Variants in LSM2 observed in about 807,000 individuals in gnomAD.
The protein encoded by LSM2 is LSM2 homolog, U6 small nuclear RNA and mRNA degradation associated.
LSM2 carries 12 observed loss-of-function variants against 17.0 expected under a neutral mutation model. The ratio of observed to expected loss-of-function variants is 0.70; its 90% CI spans 0.45 to 1.14. The LOEUF is 1.14. LSM2 is among the 50% of genes most tolerant of loss of function. The pLI is 0.00. For missense variants in LSM2, 62 were observed against 111.8 expected (o/e 0.55, Z 2.01); for synonymous variants, 42 against 44.5 (o/e 0.94, Z 0.22).
chr6:31,804,139 G>T (rs1150748), intron 2 of LSM2, among the ~76,000 whole-genome samples: 3 of 151,890 alleles, frequency 2.0e-5, no homozygotes, highest in Non-Finnish European at 4.4e-5. Context: ...GAGGCAGGTG[G>T]ATCACAAGGT....
intron 2 of LSM2, among the ~76,000 whole-genome samples, chr6:31,800,278 G>T (rs13207465): frequency 0.11 from 17,219 of 152,160 alleles, 1,112 homozygotes; most frequent in African/African-American, 0.17. Context: ...GGAGGTTGTA[G>T]TGAGGCGAGA....
Position 31,806,956 on chromosome 6 carries a change from G to T in LSM2, c.-199C>A. Reference sequence around the variant, plus strand: ...GGCTGGGGAGCGCAAGCTGGGTAGAGTAGAGGGGAGGAGGAAGCCGGGAAA... The same window carrying T: ...GGCTGGGGAGCGCAAGCTGGGTAGATTAGAGGGGAGGAGGAAGCCGGGAAA... On this transcript the variant is annotated 5_prime_UTR_variant, in exon 1 of 5. Coordinates refer to ENST00000375661, the MANE Select transcript of LSM2 (RefSeq NM_021177.5). 1 of 619,826 alleles carries T rather than the reference G, an allele frequency of 1.6e-6. No homozygotes were observed. The highest frequency in any genetic ancestry group is 2.7e-6 in the Non-Finnish European group (1 of 369,106). 38.4% of individuals were successfully genotyped at this position (619,826 alleles called of 1,614,324 possible). A position where few individuals can be genotyped will look rare whatever the true frequency, so the allele number is the denominator to read the frequency against.
chr6:31,802,095 G>T (rs560728452), intron 2 of LSM2, among the ~76,000 whole-genome samples: 72 of 151,736 alleles, frequency 4.7e-4, no homozygotes, highest in African/African-American at 1.5e-3. Flanking sequence ...GCCTGACGAA[G>T]ATGGTGAAAC....
At chr6:31,803,946 G>A (rs971638779) in intron 2 of LSM2, among the ~76,000 whole-genome samples, 1 of 152,266 alleles carries the variant, frequency 6.6e-6, no homozygotes, top group African/African-American at 2.4e-5. Context: ...GCTCATGCGC[G>A]TAACCCCAGC....
intron 1 of LSM2, chr6:31,806,373 C>T: frequency 1.7e-6 from 1 of 604,308 alleles, no homozygotes; most frequent in Non-Finnish European, 2.9e-6. Flanking sequence ...CTCTGCCCTG[C>T]ATACGTCGGC....
chr6:31,798,399 C>G, intron 3 of LSM2, 78 bp downstream of exon 3: 1 of 1,545,192 alleles, frequency 6.5e-7, no homozygotes, highest in Non-Finnish European at 8.9e-7. Flanking sequence ...ACCCTAGAGA[C>G]ATGATGTAAG....
chr6:31,798,973 C>T (rs1201271442), intron 2 of LSM2, among the ~76,000 whole-genome samples: 7 of 152,048 alleles, frequency 4.6e-5, no homozygotes, highest in Middle Eastern at 6.8e-3. Context: ...TGATCTCAGG[C>T]GATCTGCCCA....
chr6:31,806,601 G>C (rs1375551991), intron 1 of LSM2, 154 bp downstream of exon 1: 1 of 1,015,752 alleles, frequency 9.8e-7, no homozygotes, highest in African/African-American at 1.6e-5. Flanking sequence ...TTTGTTCTCA[G>C]TGCCTCCTCA....
chr6:31,804,767 T>C (rs575990879), intron 2 of LSM2, among the ~76,000 whole-genome samples: 170 of 122,426 alleles, frequency 1.4e-3, no homozygotes, highest in Middle Eastern at 0.012. Context: ...TTTTTTCTTT[T>C]TTTTTTTTTT....
At chr6:31,802,052 C>G (rs1328371954) in intron 2 of LSM2, among the ~76,000 whole-genome samples, 1 of 151,138 alleles carries the variant, frequency 6.6e-6, no homozygotes, top group East Asian at 1.9e-4. Context: ...GAGGCCGAGG[C>G]AGGTGGATCA....
intron 2 of LSM2, among the ~76,000 whole-genome samples, chr6:31,800,074 C>T (rs752574841): frequency 3.9e-4 from 60 of 152,124 alleles, no homozygotes; most frequent in Admixed American, 2.9e-3. Context: ...CGGTGGCTCA[C>T]GCCTATAATT....
chr6:31,803,285 T>C (rs1409774125), intron 2 of LSM2, among the ~76,000 whole-genome samples: 13 of 152,296 alleles, frequency 8.5e-5, no homozygotes, highest in African/African-American at 2.6e-4. Context: ...TTCCAGCACT[T>C]TGGGAGGCCA....
chr6:31,806,144 T>C lies in LSM2; in HGVS notation c.4-2A>G. 1.2e-6 allele frequency: 2 copies of C among 1,612,618 alleles called. No individual in the cohort carries two copies. The highest frequency in any genetic ancestry group is 1.7e-6 in the Non-Finnish European group (2 of 1,179,790). ...GGACTTGAAAAAAGAATAGAAGAGC[T>C]ATTGGGAGAGAGGGGGAAAACCATC... On this transcript the variant is annotated splice_acceptor_variant, in intron 1 of 4. Coordinates refer to ENST00000375661, the MANE Select transcript of LSM2 (RefSeq NM_021177.5). LOFTEE classifies it high-confidence loss of function.
intron 2 of LSM2, among the ~76,000 whole-genome samples, chr6:31,800,261 G>A (rs933372563): frequency 2.6e-5 from 4 of 152,074 alleles, no homozygotes; most frequent in African/African-American, 7.2e-5. Context: ...ACTTGAACCC[G>A]GGAGGTGGAG....
chr6:31,799,816 C>T (rs906733271), intron 2 of LSM2, among the ~76,000 whole-genome samples: 3 of 152,260 alleles, frequency 2.0e-5, no homozygotes, highest in African/African-American at 7.2e-5. Flanking sequence ...CTCCATTCCC[C>T]AATCCTCGAG....
At chr6:31,801,157 T>A (rs1325615783) in intron 2 of LSM2, among the ~76,000 whole-genome samples, 9 of 100,276 alleles carry the variant, frequency 9.0e-5, no homozygotes, top group Admixed American at 4.4e-4. Context: ...GGTGACAGAG[T>A]AAGGATCTGT....
intron 2 of LSM2, among the ~76,000 whole-genome samples, chr6:31,801,417 T>C (rs1172252415): frequency 6.6e-6 from 1 of 152,106 alleles, no homozygotes; most frequent in African/African-American, 2.4e-5. Context: ...CATTTGGGAA[T>C]TGTACAAAGT....
chr6:31,801,655 G>A (rs776649888), intron 2 of LSM2, among the ~76,000 whole-genome samples: 1 of 151,968 alleles, frequency 6.6e-6, no homozygotes, highest in Non-Finnish European at 1.5e-5. Flanking sequence ...AATTAGCTGG[G>A]AGTGGTGGCA....
chr6:31,798,107 G>GCAAAAC, intron 3 of LSM2, 58 bp from the exon 4 acceptor site: 1 of 1,397,036 alleles, frequency 7.2e-7, no homozygotes, highest in Non-Finnish European at 9.5e-7. Flanking sequence ...TGAGACAAGA[G>GCAAAAC]TTTTGCTCTT....
Sources: allele counts gnomAD v4.1 joint callset (sites outside exome capture counted in the v4.1 genomes callset), GRCh38; gene constraint gnomAD v4.1.1; transcripts MANE v1.5; gene names NCBI Gene and HGNC (gene_info 2026-07-23, HGNC 2026-07-21).